KANK1: variants seen among roughly 807,000 people sequenced by gnomAD.
KANK1 encodes KN motif and ankyrin repeat domains 1.
A neutral mutation model predicts 106.2 loss-of-function variants in KANK1; 109 were observed. The observed-to-expected ratio is 1.03, with a 90% CI of 0.88 to 1.20. The LOEUF (loss-of-function observed/expected upper bound fraction) is 1.20. Among genes scored for constraint, KANK1 ranks in the 50% most tolerant of loss-of-function variants. The pLI is 0.00. For synonymous variants in KANK1, 873 were observed against 652.2 expected, an observed-to-expected ratio of 1.34 and a Z score of -5.16; for missense variants, 2,399 against 1,710.7, an observed-to-expected ratio of 1.40 and a Z score of -7.10.
chr9:689,513 C>T (rs145111580), intron 2 of KANK1, among the ~76,000 whole-genome samples: 50 of 152,284 alleles, frequency 3.3e-4, no homozygotes, highest in African/African-American at 1.2e-3. Context: ...GAGGAGTCCT[C>T]ATCCAAGACC....
chr9:661,385 T>A (rs36167789), intron 1 of KANK1, among the ~76,000 whole-genome samples: 127,291 of 151,810 alleles, frequency 0.84, 53,508 homozygotes, highest in East Asian at 0.97. Flanking sequence ...TCTGGTTTTC[T>A]GTCCTTGCAA....
chr9:653,299 G>A (rs956845545), intron 1 of KANK1, among the ~76,000 whole-genome samples: 1 of 152,058 alleles, frequency 6.6e-6, no homozygotes, highest in Non-Finnish European at 1.5e-5. Flanking sequence ...GCGGTTCCCA[G>A]GCTCGTGGTC....
intron 1 of KANK1, among the ~76,000 whole-genome samples, chr9:522,419 G>A (rs540522716): frequency 2.3e-4 from 35 of 151,626 alleles, no homozygotes; most frequent in Non-Finnish European, 4.0e-4. Flanking sequence ...GCTCCTTTCT[G>A]TGCTCACTCC....
In KANK1 at chr9:710,906, A is replaced by G. The variant is rs746798023; in HGVS notation, c.140A>G (p.Lys47Arg). The change falls in exon 3 of 12, where the codon AAA (lysine) becomes AGA (arginine). Residue 47 changes from lysine (K) to arginine (R), a missense_variant. Coordinates refer to ENST00000382297, the MANE Select transcript of KANK1 (RefSeq NM_015158.5). ...TATCAACTAGACTTAGATTTCCTCA[A>G]ATATGTGGATGACATACAGAAGGGA... ...YGYQLDLDFL[K>R]YVDDIQKGNT... 32 of 1,614,182 alleles carry G rather than the reference A, an allele frequency of 2.0e-5. No homozygotes were observed. Among genetic ancestry groups the G allele is most frequent in the Middle Eastern group, 3.3e-4 (2 of 6,062 alleles).
At chr9:643,364 C>G (rs149269023) in intron 1 of KANK1, among the ~76,000 whole-genome samples, 2 of 150,818 alleles carry the variant, frequency 1.3e-5, no homozygotes, top group East Asian at 3.9e-4. Context: ...CTTTCAAATA[C>G]TAGTTAACTC....
At chr9:669,873 T>C (rs184998337) in intron 1 of KANK1, among the ~76,000 whole-genome samples, 28 of 152,288 alleles carry the variant, frequency 1.8e-4, no homozygotes, top group African/African-American at 6.7e-4. Flanking sequence ...ATTTGGTCTT[T>C]TAAGGTAATT....
chr9:597,677 T>A (rs10975337), intron 1 of KANK1, among the ~76,000 whole-genome samples: 11,041 of 151,588 alleles, frequency 0.073, 1,243 homozygotes, highest in East Asian at 0.24. Context: ...TTATTTATTT[T>A]TTTTTAGACA....
At chr9:586,412 G>A (rs950307877) in intron 1 of KANK1, among the ~76,000 whole-genome samples, 1 of 152,286 alleles carries the variant, frequency 6.6e-6, no homozygotes, top group African/African-American at 2.4e-5. Flanking sequence ...AAACAGATGA[G>A]GTATGCCAAG....
intron 3 of KANK1, among the ~76,000 whole-genome samples, chr9:727,641 C>T (rs1394254165): frequency 1.3e-5 from 2 of 151,044 alleles, no homozygotes; most frequent in Admixed American, 6.6e-5. Context: ...TTAAAACTAC[C>T]ATAGCTGTTT....
At chr9:599,340 A>T (rs974926276) in intron 1 of KANK1, among the ~76,000 whole-genome samples, 5 of 151,752 alleles carry the variant, frequency 3.3e-5, no homozygotes, top group African/African-American at 1.2e-4. Flanking sequence ...TTTATTTTTT[A>T]AAAAATAATC....
At chr9:608,842 A>G (rs577333572) in intron 1 of KANK1, among the ~76,000 whole-genome samples, 33 of 152,320 alleles carry the variant, frequency 2.2e-4, no homozygotes, top group African/African-American at 4.8e-4. Context: ...AACTAAGCCA[A>G]TGTTGAGACT....
intron 2 of KANK1, among the ~76,000 whole-genome samples, chr9:678,519 G>A (rs1368469417): frequency 4.6e-5 from 7 of 151,970 alleles, no homozygotes; most frequent in South Asian, 2.1e-4. Context: ...ACCCAAGGTC[G>A]GTAGTTCAAG....
At chr9:715,986 G>C (rs1827589160) in intron 3 of KANK1, among the ~76,000 whole-genome samples, 1 of 152,162 alleles carries the variant, frequency 6.6e-6, no homozygotes, top group Non-Finnish European at 1.5e-5. Flanking sequence ...ATACCATAGA[G>C]AATAGCACTC....
At chr9:701,696 G>A (rs1822713968) in intron 2 of KANK1, among the ~76,000 whole-genome samples, 2 of 152,040 alleles carry the variant, frequency 1.3e-5, no homozygotes, top group South Asian at 2.1e-4. Flanking sequence ...TCGTTTGGTT[G>A]GTTTAAAAGA....
At chr9:660,524 A>G (rs949485473) in intron 1 of KANK1, among the ~76,000 whole-genome samples, 4 of 152,130 alleles carry the variant, frequency 2.6e-5, no homozygotes, top group African/African-American at 7.2e-5. Flanking sequence ...GAAGTCCCTC[A>G]TTTAAACAGA....
intron 1 of KANK1, among the ~76,000 whole-genome samples, chr9:584,581 C>T (rs73376921): frequency 0.045 from 6,795 of 152,192 alleles, 498 homozygotes; most frequent in African/African-American, 0.15. Context: ...AAATAAGTAA[C>T]TATCATTTAC....
chr9:712,943 A>T lies in KANK1; in HGVS notation c.2177A>T (p.Asp726Val). Residue 726 changes from aspartate (D) to valine (V), a missense_variant, in exon 3 of 12, where the codon GAC becomes GTC. Coordinates refer to ENST00000382297, the MANE Select transcript of KANK1 (RefSeq NM_015158.5). Reference protein sequence around the residue: ...TVAVGEGRVKDINSSTKTRSI... With the variant: ...TVAVGEGRVKVINSSTKTRSI... ...GCTGTAGGAGAAGGCCGTGTCAAGG[A>T]CATCAACTCCTCCACCAAGACGCGG... The T allele has an allele frequency of 6.2e-7, 1 of 1,614,194 alleles. No individual in the cohort carries two copies. Among genetic ancestry groups the T allele is most frequent in the South Asian group, 1.1e-5 (1 of 91,062 alleles).
At chr9:534,777 C>T (rs1217701600) in intron 1 of KANK1, among the ~76,000 whole-genome samples, 50 of 152,218 alleles carry the variant, frequency 3.3e-4, no homozygotes, top group Admixed American at 3.3e-3. Flanking sequence ...TTGATAAAAG[C>T]ACCAACACTA....
At chr9:642,185 C>T (rs1430927097) in intron 1 of KANK1, among the ~76,000 whole-genome samples, 1 of 151,440 alleles carries the variant, frequency 6.6e-6, no homozygotes, top group Non-Finnish European at 1.5e-5. Context: ...GGCTTTTTAA[C>T]CTCTTTCCTC....
Sources: gnomAD v4.1 joint callset for allele counts (sites outside exome capture counted in the v4.1 genomes callset) on GRCh38, gnomAD v4.1.1 for gene constraint, MANE v1.5 for transcripts, NCBI Gene and HGNC (gene_info 2026-07-23, HGNC 2026-07-21) for gene names.